Variants in IRS2 observed in about 807,000 individuals in gnomAD.
IRS2 encodes the protein insulin receptor substrate 2.
In IRS2, 28 loss-of-function variants were observed where a neutral mutation model predicts 70.9. The ratio of observed to expected loss-of-function variants is 0.39; its 90% confidence interval spans 0.29 to 0.54. The LOEUF (loss-of-function observed/expected upper bound fraction) is 0.54, where lower values mean the gene tolerates loss of function less well. Among genes scored for constraint, IRS2 ranks in the 20% least tolerant of loss-of-function variants. IRS2 has a pLI of 0.59. For missense variants in IRS2, 2,081 were observed against 2,024.1 expected (o/e 1.03, Z -0.54); for synonymous variants, 1,217 against 981.9 (o/e 1.24, Z -4.48).
Position 109,782,541 on chromosome 13 carries a change from G to A in IRS2, c.3513C>T (p.Arg1171=), listed in dbSNP as rs542315127. The change falls in exon 1 of 2, where the codon CGC becomes CGT. Residue 1171 remains arginine, a synonymous_variant. Transcript: ENST00000375856. ...CATTTTCCACGGAGGCCGAGTTGTG[G>A]CGCTTGGGGTTGTGGGCGAAGGACG... The part of the protein sequence containing the change: ...VSPSFAHNPK[R]HNSASVENVS... 2.2e-5 allele frequency: 35 copies of A among 1,559,650 alleles called. No individual in the cohort carries two copies. In the South Asian group the frequency reaches 4.0e-4, roughly 18 times the overall value.
chr13:109,760,557 A>T (rs1275943156), intron 1 of IRS2, among the ~76,000 whole-genome samples: 2 of 152,238 alleles, frequency 1.3e-5, no homozygotes, highest in Admixed American at 1.3e-4. Flanking sequence ...CGTGCAGTGT[A>T]TCCACTCCGC....
Position 109,786,003 on chromosome 13 carries a change from G to T in IRS2, c.51C>A (p.Gly17=), listed in dbSNP as rs1312678113. ...TGTTGTTGTTGTTGTTGAGGTTGGGGCCGTCTCCGCTCGCCGGCCCGGGCG... is the reference window on the plus strand; with the variant it reads ...TGTTGTTGTTGTTGTTGAGGTTGGGTCCGTCTCCGCTCGCCGGCCCGGGCG... ...HGPPGPASGD[G]PNLNNNNNNN... The change falls in exon 1 of 2, where the codon GGC becomes GGA. Residue 17 remains glycine, a synonymous_variant. Transcript: ENST00000375856. The surrounding 1 kb of genome is among the most constrained non-coding windows in gnomAD (Gnocchi z 4.4). 7.9e-5 allele frequency: 112 copies of T among 1,420,768 alleles called. No homozygotes were observed. The highest frequency in any genetic ancestry group is 9.9e-5 in the Non-Finnish European group (108 of 1,088,418). 88.0% of individuals were successfully genotyped at this position (1,420,768 alleles called of 1,614,324 possible).
chr13:109,756,175 T>G lies in IRS2; in HGVS notation c.*129A>C. On this transcript the variant is annotated 3_prime_UTR_variant, in exon 2 of 2. Transcript: ENST00000375856. ...TCATCTAACAGAGTCCACAGATGTT[T>G]CCAAACACAGTCATTGCTCAGATCC... 1.2e-6 allele frequency: 1 copy of G among 829,618 alleles called. No individual in the cohort carries two copies. Among genetic ancestry groups the G allele is most frequent in the South Asian group, 1.4e-5 (1 of 71,510 alleles). 51.4% of individuals were successfully genotyped at this position (829,618 alleles called of 1,614,324 possible).
At chr13:109,766,956 T>C (rs1877348694) in intron 1 of IRS2, among the ~76,000 whole-genome samples, 1 of 152,256 alleles carries the variant, frequency 6.6e-6, no homozygotes, top group South Asian at 2.1e-4. Flanking sequence ...GAAACATACA[T>C]TCTTTAGCCT....
At position 109,754,608 on chromosome 13, in the gene IRS2, A is replaced by C. The variant is rs1877063696; in HGVS notation, c.*1696T>G. 1 of 199,798 alleles carries C rather than the reference A, an allele frequency of 5.0e-6. No homozygotes were observed. The highest frequency in any genetic ancestry group is 7.9e-5 in the East Asian group (1 of 12,680). 12.4% of individuals were successfully genotyped at this position (199,798 alleles called of 1,614,324 possible). A position where few individuals can be genotyped will look rare whatever the true frequency, so the allele number is the denominator to read the frequency against. ...TGGCCTATGCACTGCTGTGATGTATAATTTCAGAAAAGTAAAACCTTAAAA... is the reference window on the plus strand; with the variant it reads ...TGGCCTATGCACTGCTGTGATGTATCATTTCAGAAAAGTAAAACCTTAAAA... On this transcript the variant is annotated 3_prime_UTR_variant, in exon 2 of 2. Coordinates refer to ENST00000375856, the MANE Select transcript of IRS2 (RefSeq NM_003749.3).
At chr13:109,766,078 A>G (rs34298936) in intron 1 of IRS2, among the ~76,000 whole-genome samples, 1 of 10,412 alleles carries the variant, frequency 9.6e-5, no homozygotes, top group African/African-American at 2.8e-4. Context: ...ATCCACCCTG[A>G]CTCCAACTCC....
chr13:109,759,510 G>A (rs1233606268), intron 1 of IRS2, among the ~76,000 whole-genome samples: 1 of 152,194 alleles, frequency 6.6e-6, no homozygotes, highest in Non-Finnish European at 1.5e-5. Flanking sequence ...GAGGGATTGG[G>A]ATACAACAGA....
chr13:109,785,712 G>C lies in IRS2; in HGVS notation c.342C>G (p.Ala114=). The C allele has an allele frequency of 6.2e-7, 1 of 1,600,772 alleles. No individual in the cohort carries two copies. Among genetic ancestry groups the C allele is most frequent in the Non-Finnish European group, 8.5e-7 (1 of 1,178,028 alleles). ...CGAAGTACTCGTCCTTGGTGTAGAG[G>C]GCGATCAGGTACTTGTGCTTGGCGT... ...RADAKHKYLI[A]LYTKDEYFAV... Residue 114 remains alanine (A), a synonymous_variant, in exon 1 of 2, where the codon GCC becomes GCG. Coordinates refer to ENST00000375856, the MANE Select transcript of IRS2 (RefSeq NM_003749.3). This position sits in a 1 kb window ranked among gnomAD's most constrained non-coding sequence, Gnocchi z 9.3.
chr13:109,760,289 C>T (rs1237871296), intron 1 of IRS2, among the ~76,000 whole-genome samples: 1 of 152,214 alleles, frequency 6.6e-6, no homozygotes, highest in Non-Finnish European at 1.5e-5. Context: ...ATAAGACTCA[C>T]GTGTTGCTCA....
chr13:109,757,448 C>T (rs1015699833), intron 1 of IRS2, among the ~76,000 whole-genome samples: 17 of 152,068 alleles, frequency 1.1e-4, no homozygotes, highest in African/African-American at 4.1e-4. Context: ...CTTTTCTCTC[C>T]ATCTTAAGTT....
intron 1 of IRS2, among the ~76,000 whole-genome samples, chr13:109,766,850 A>G (rs984246621): frequency 2.6e-5 from 4 of 152,262 alleles, no homozygotes; most frequent in Non-Finnish European, 4.4e-5. Context: ...TGGCACTGAA[A>G]CAGTGCACAA....
At chr13:109,773,600 A>T (rs1225049358) in intron 1 of IRS2, among the ~76,000 whole-genome samples, 4 of 152,176 alleles carry the variant, frequency 2.6e-5, no homozygotes, top group Non-Finnish European at 4.4e-5. Flanking sequence ...CTTTTCTTTG[A>T]TAAAGTAAAT....
At position 109,754,424 on chromosome 13, in the gene IRS2, G is replaced by A; in HGVS notation, c.*1880C>T. On this transcript the variant is annotated 3_prime_UTR_variant, in exon 2 of 2. Transcript: ENST00000375856. ...AATATGCGTCAATACACTGCTTTCA[G>A]CAGGGTCCATATTCAGTCCCTATCG... is the stretch of plus-strand genomic sequence containing the variant. 1 of 207,938 alleles carries A rather than the reference G, an allele frequency of 4.8e-6. No individual in the cohort carries two copies. Among genetic ancestry groups the A allele is most frequent in the South Asian group, 1.9e-4 (1 of 5,324 alleles). 12.9% of individuals were successfully genotyped at this position (207,938 alleles called of 1,614,324 possible).
rs1877776348 is a variant in IRS2, at chr13:109,783,171, GC to G, written c.2882del (p.Gly961AlafsTer19). The G allele has an allele frequency of 2.2e-6, 3 of 1,383,324 alleles. No individual in the cohort carries two copies. The highest frequency in any genetic ancestry group is 5.9e-5 in the East Asian group (2 of 33,618). 85.7% of individuals were successfully genotyped at this position (1,383,324 alleles called of 1,614,324 possible). A position where few individuals can be genotyped will look rare whatever the true frequency, so the allele number is the denominator to read the frequency against. On this transcript the variant is annotated frameshift_variant, in exon 1 of 2. Transcript: ENST00000375856. LOFTEE classifies it high-confidence loss of function. The part of the protein sequence containing the change: ...ASSPASSLGS[G>X]TPGTSSDSRQ... ...GGCTGTCGCTGCTGGTGCCCGGGGT[GC>G]CTGAGCCCAGCGACGAGGCCGGGCT... is the stretch of plus-strand genomic sequence containing the variant.
Position 109,756,115 on chromosome 13 carries a change from G to C in IRS2, c.*189C>G. 1 of 585,450 alleles carries C rather than the reference G, an allele frequency of 1.7e-6. No homozygotes were observed. The highest frequency in any genetic ancestry group is 3.1e-6 in the Non-Finnish European group (1 of 324,054). The allele number at this position is 585,450 out of a possible 1,614,324, so 36.3% of individuals were successfully genotyped here. A position where few individuals can be genotyped will look rare whatever the true frequency, so the allele number is the denominator to read the frequency against. On this transcript the variant is annotated 3_prime_UTR_variant, in exon 2 of 2. Transcript: ENST00000375856. ...TGATGAATGCCCCATCCGGGAACAA[G>C]GGAAAGAGGCAGGTGACCTTGCCTT... is the stretch of plus-strand genomic sequence containing the variant.
chr13:109,764,719 A>G (rs1877298151), intron 1 of IRS2, among the ~76,000 whole-genome samples: 1 of 152,182 alleles, frequency 6.6e-6, no homozygotes, highest in Admixed American at 6.5e-5. Flanking sequence ...GGTGTCTCTT[A>G]GTGCATTTGT....
intron 1 of IRS2, among the ~76,000 whole-genome samples, chr13:109,781,758 G>A (rs1289334291): frequency 6.6e-6 from 1 of 152,222 alleles, no homozygotes; most frequent in East Asian, 1.9e-4. Context: ...TTAAGGGACA[G>A]GGGGCTGTGG....
chr13:109,763,969 G>C (rs1329728761), intron 1 of IRS2, among the ~76,000 whole-genome samples: 1 of 152,110 alleles, frequency 6.6e-6, no homozygotes, highest in Non-Finnish European at 1.5e-5. Flanking sequence ...TAACATCTAT[G>C]TGATATAGGA....
In IRS2 at chr13:109,784,137, G is replaced by A. The variant is rs748847915; in HGVS notation, c.1917C>T (p.Ser639=). ...CCAGGTTGCTGCTGGAGCTCCTGTG[G>A]GAGCCGATCTCGATGTCTCCGTAGT... ...PEDYGDIEIG[S]HRSSSSNLGA... Residue 639 remains serine (S), a synonymous_variant, in exon 1 of 2, where the codon TCC becomes TCT. Coordinates refer to ENST00000375856, the MANE Select transcript of IRS2 (RefSeq NM_003749.3). The surrounding 1 kb of genome is among the most constrained non-coding windows in gnomAD (Gnocchi z 5.2). The A allele has an allele frequency of 3.1e-6, 5 of 1,593,908 alleles. No homozygotes were observed. The South Asian group carries it at 4.4e-5, about 14-fold the overall frequency.
Sources: gnomAD v4.1 joint callset for allele counts (sites outside exome capture counted in the v4.1 genomes callset) on GRCh38, gnomAD v4.1.1 for gene constraint, Gnocchi (gnomAD v3.1) non-coding constraint, MANE v1.5 for transcripts, NCBI Gene and HGNC (gene_info 2026-07-23, HGNC 2026-07-21) for gene names.